RAB40A: variants seen among roughly 807,000 people sequenced by gnomAD.
RAB40A encodes the protein RAB40A, member RAS oncogene family.
For synonymous variants in RAB40A, 65 were observed against 99.9 expected (o/e 0.65, Z 2.08); for missense variants, 145 against 230.2 (o/e 0.63, Z 2.40).
At position 103,499,734 on chromosome X, in the gene RAB40A, T is replaced by C. The variant is rs1373533650; in HGVS notation, c.*189A>G. 5.9e-6 allele frequency: 3 copies of C among 508,189 alleles called. No homozygotes were observed. The highest frequency in any genetic ancestry group is 3.4e-6 in the Non-Finnish European group (1 of 298,113). 41.9% of individuals were successfully genotyped at this position (508,189 alleles called of 1,213,427 possible). Reference sequence around the variant, plus strand: ...AACAAGAGCTTCATGCACATCCAAATAGAAATTCAAAGTCAAACTGTGTAA... The same window carrying C: ...AACAAGAGCTTCATGCACATCCAAACAGAAATTCAAAGTCAAACTGTGTAA... On this transcript the variant is annotated 3_prime_UTR_variant, in exon 3 of 3. Transcript: ENST00000304236.
chrX:103,503,603 G>T, intron 2 of RAB40A: 1 of 439,157 alleles, frequency 2.3e-6, no homozygotes, highest in Non-Finnish European at 2.8e-6. Flanking sequence ...TAGCTGTGAT[G>T]CCTCCTGATG....
At chrX:103,509,109 C>T (rs751167107) in intron 2 of RAB40A, among the ~76,000 whole-genome samples, 278 of 111,733 alleles carry the variant, frequency 2.5e-3, no homozygotes, top group African/African-American at 8.6e-3. Context: ...TTGGAGGTAT[C>T]TCATTAACTC....
intron 2 of RAB40A, among the ~76,000 whole-genome samples, chrX:103,510,189 C>G (rs1412080699): frequency 8.9e-6 from 1 of 112,096 alleles, no homozygotes; most frequent in Non-Finnish European, 1.9e-5. Flanking sequence ...CACAATTTCT[C>G]AGACTCGGGA....
At position 103,500,779 on chromosome X, in the gene RAB40A, C is replaced by T; in HGVS notation, c.-23G>A. The stretch of plus-strand genomic sequence containing the variant: ...CATGGTGCTGGCCCCGCACTCCCGC[C>T]TGAGCCAGGCCCGCGGGGTTGTGCG... On this transcript the variant is annotated 5_prime_UTR_variant, in exon 3 of 3. Transcript: ENST00000304236. The T allele has an allele frequency of 8.3e-7, 1 of 1,200,987 alleles. No individual in the cohort carries two copies. Among genetic ancestry groups the T allele is most frequent in the Non-Finnish European group, 1.1e-6 (1 of 890,026 alleles).
chrX:103,504,990 T>C (rs2073247565), intron 2 of RAB40A, among the ~76,000 whole-genome samples: 1 of 112,493 alleles, frequency 8.9e-6, no homozygotes, highest in African/African-American at 3.2e-5. Flanking sequence ...TAGAACATTA[T>C]CTTCACTTCA....
At chrX:103,493,689 T>C in the RAB40A span, among the ~76,000 whole-genome samples, 3 of 112,300 alleles carry the variant, frequency 2.7e-5, no homozygotes, top group Non-Finnish European at 5.6e-5. Context: ...GCAATGTTTG[T>C]CTTTCTGTGC....
At chrX:103,502,847 G>A (rs774974503) in intron 2 of RAB40A, 1 of 757,663 alleles carries the variant, frequency 1.3e-6, no homozygotes, top group East Asian at 1.5e-4. Flanking sequence ...CTGTCCCAAG[G>A]AGCAAATGAG....
chrX:103,509,778 T>G (rs1453206336), intron 2 of RAB40A, among the ~76,000 whole-genome samples: 1 of 105,043 alleles, frequency 9.5e-6, no homozygotes, highest in African/African-American at 3.6e-5. Flanking sequence ...AGCAGTTTTT[T>G]TTGTATAAAT....
At chrX:103,519,103 T>C (rs1603138901) in intron 1 of RAB40A, among the ~76,000 whole-genome samples, 2 of 111,770 alleles carry the variant, frequency 1.8e-5, no homozygotes, top group East Asian at 2.8e-4. Context: ...TGTAACACTA[T>C]AGGAATAAAC....
chrX:103,516,355 C>T (rs759416360), intron 2 of RAB40A, among the ~76,000 whole-genome samples: 5 of 111,715 alleles, frequency 4.5e-5, no homozygotes, highest in Admixed American at 1.9e-4. Flanking sequence ...GCTAGCAAAA[C>T]GCAGTATTAT....
At chrX:103,507,090 G>A (rs893654850) in intron 2 of RAB40A, among the ~76,000 whole-genome samples, 3 of 92,839 alleles carry the variant, frequency 3.2e-5, no homozygotes, top group African/African-American at 1.3e-4. Context: ...CTCTGTCCAT[G>A]TGTTCTCAGT....
At chrX:103,516,311 G>A (rs1056293562) in intron 2 of RAB40A, among the ~76,000 whole-genome samples, 12 of 111,572 alleles carry the variant, frequency 1.1e-4, no homozygotes, top group African/African-American at 3.9e-4. Flanking sequence ...AGTAGAAACT[G>A]TACTTCAAGT....
chrX:103,510,411 C>T (rs1376527238), intron 2 of RAB40A, among the ~76,000 whole-genome samples: 2 of 112,145 alleles, frequency 1.8e-5, no homozygotes, highest in African/African-American at 6.5e-5. Flanking sequence ...ATTTCTTTTT[C>T]TCTATCTTTA....
downstream of RAB40A, among the ~76,000 whole-genome samples, chrX:103,494,196 C>T (rs1250276655): frequency 1.8e-5 from 2 of 112,188 alleles, no homozygotes; most frequent in Admixed American, 9.5e-5. Flanking sequence ...TGAAGTTGAG[C>T]ACCTTTTCAT....
chrX:103,511,129 C>A (rs989817160), intron 2 of RAB40A, among the ~76,000 whole-genome samples: 1 of 111,509 alleles, frequency 9.0e-6, no homozygotes, highest in African/African-American at 3.3e-5. Context: ...TTGGAACCAA[C>A]CCGAATGCCC....
intron 2 of RAB40A, among the ~76,000 whole-genome samples, 157 bp downstream of exon 2, chrX:103,517,217 G>C (rs1175359535): frequency 8.9e-6 from 1 of 111,819 alleles, no homozygotes; most frequent in East Asian, 2.8e-4. Context: ...GCACACGGTA[G>C]ATAAATTGGT....
Position 103,500,548 on chromosome X carries a change from G to C in RAB40A, c.209C>G (p.Thr70Arg). The change falls in exon 3 of 3, where the codon ACG becomes AGG. Residue 70 changes from threonine (T) to arginine (R), a missense_variant. Thr to Arg is a moderately conservative substitution (Grantham distance 71). Transcript: ENST00000304236. ...GGTACAAAATCTTCCCTGCCCCGAC[G>C]TATCCCAGAGCTTCAGCTTCACCCG... ...GQRVKLKLWD[T>R]SGQGRFCTIF... 1.7e-6 allele frequency: 2 copies of C among 1,211,436 alleles called. No individual in the cohort carries two copies. Among genetic ancestry groups the C allele is most frequent in the Non-Finnish European group, 2.2e-6 (2 of 895,323 alleles).
chrX:103,498,180 A>G (rs190867436), downstream of RAB40A, among the ~76,000 whole-genome samples: 97 of 111,354 alleles, frequency 8.7e-4, no homozygotes, highest in Non-Finnish European at 1.5e-3. Context: ...GACTCTATGC[A>G]TCCCCGATCT....
intron 2 of RAB40A, among the ~76,000 whole-genome samples, chrX:103,508,855 C>T (rs2073271127): frequency 8.9e-6 from 1 of 111,843 alleles, no homozygotes; most frequent in South Asian, 3.8e-4. Flanking sequence ...TGCTCCAGCA[C>T]TGTTTAGTGT....
Sources: allele counts gnomAD v4.1 joint callset (sites outside exome capture counted in the v4.1 genomes callset), GRCh38; gene constraint gnomAD v4.1.1; transcripts MANE v1.5; gene names NCBI Gene and HGNC (gene_info 2026-07-23, HGNC 2026-07-21).